FMNL2: variants seen among roughly 807,000 people sequenced by gnomAD.
FMNL2 encodes formin-like protein 2.
In FMNL2, 51 loss-of-function variants were observed where a neutral mutation model predicts 130.2. The observed-to-expected ratio is 0.39, with a 90% CI of 0.31 to 0.49. The LOEUF is 0.49. Among genes scored for constraint, FMNL2 ranks in the 20% least tolerant of loss-of-function variants. FMNL2 has a pLI of 0.85. For missense variants in FMNL2, 977 were observed against 1,316.2 expected (o/e 0.74, Z 3.99); for synonymous variants, 465 against 467.1 (o/e 1.00, Z 0.06).
At chr2:152,573,429 A>G (rs1418528564) in intron 6 of FMNL2, among the ~76,000 whole-genome samples, 1 of 152,132 alleles carries the variant, frequency 6.6e-6, no homozygotes, top group African/African-American at 2.4e-5. Context: ...ATGATGAGCA[A>G]CTCGTGGAAA....
At chr2:152,398,844 A>T (rs1388585442) in intron 1 of FMNL2, among the ~76,000 whole-genome samples, 5 of 152,246 alleles carry the variant, frequency 3.3e-5, no homozygotes, top group African/African-American at 1.2e-4. Flanking sequence ...ACTTATTTTT[A>T]AAAAGGGTGA....
intron 1 of FMNL2, among the ~76,000 whole-genome samples, chr2:152,393,498 A>G (rs973084183): frequency 2.0e-5 from 3 of 152,240 alleles, no homozygotes; most frequent in African/African-American, 4.8e-5. Flanking sequence ...AGGGTAAAAC[A>G]TATTTAGAGT....
At chr2:152,525,465 T>C (rs943974862) in intron 2 of FMNL2, among the ~76,000 whole-genome samples, 1 of 152,170 alleles carries the variant, frequency 6.6e-6, no homozygotes, top group Admixed American at 6.5e-5. Flanking sequence ...TGTTTGCTGT[T>C]GCTGAGGGTG....
chr2:152,484,176 T>C, intron 1 of FMNL2, among the ~76,000 whole-genome samples: 1 of 152,220 alleles, frequency 6.6e-6, no homozygotes, highest in East Asian at 1.9e-4. Flanking sequence ...ACAGAGTCAC[T>C]GGTGTGCAAT....
chr2:152,450,940 G>T (rs563999541), intron 1 of FMNL2, among the ~76,000 whole-genome samples: 1 of 152,192 alleles, frequency 6.6e-6, no homozygotes, highest in East Asian at 1.9e-4. Context: ...GTGGCAGGTC[G>T]CTGGGTCTCC....
intron 6 of FMNL2, among the ~76,000 whole-genome samples, chr2:152,570,089 A>G (rs879319930): frequency 3.3e-5 from 5 of 152,188 alleles, no homozygotes; most frequent in Non-Finnish European, 5.9e-5. Flanking sequence ...GCATTGAGTT[A>G]TAACTTTTTC....
Position 152,614,922 on chromosome 2 carries a change from A to G in FMNL2, c.1134A>G (p.Val378=), listed in dbSNP as rs753076080. ...CTTACCTGGACAATGTTTTTGATGTAGGAGCTCTACTGGAAGATGCTGAAA... is the reference window on the plus strand; with the variant it reads ...CTTACCTGGACAATGTTTTTGATGTGGGAGCTCTACTGGAAGATGCTGAAA... ...IQAYLDNVFD[V]GALLEDAETK... is the part of the protein sequence containing the mutation. Residue 378 remains valine, a synonymous_variant, in exon 12 of 26, where the codon GTA becomes GTG. Coordinates refer to ENST00000288670, the MANE Select transcript of FMNL2 (RefSeq NM_052905.4). The G allele has an allele frequency of 1.9e-6, 3 of 1,613,742 alleles. No homozygotes were observed. The East Asian group carries it at 6.7e-5, about 36-fold the overall frequency.
At chr2:152,582,417 T>G (rs2105732050) in intron 9 of FMNL2, among the ~76,000 whole-genome samples, 1 of 152,340 alleles carries the variant, frequency 6.6e-6, no homozygotes, top group African/African-American at 2.4e-5. Context: ...CATTGCCTCC[T>G]TACTGCTAGT....
At chr2:152,643,649 T>C (rs547096969) in intron 25 of FMNL2, 3 of 1,467,762 alleles carry the variant, frequency 2.0e-6, no homozygotes, top group Non-Finnish European at 2.7e-6. Flanking sequence ...ATATTTTGTG[T>C]TGTTCTCATG....
intron 9 of FMNL2, among the ~76,000 whole-genome samples, chr2:152,595,465 C>T (rs1697712381): frequency 6.6e-6 from 1 of 152,130 alleles, no homozygotes; most frequent in South Asian, 2.1e-4. Context: ...GGACTACAGA[C>T]ACGCCACCAC....
intron 1 of FMNL2, among the ~76,000 whole-genome samples, chr2:152,384,759 A>G (rs1684690127): frequency 6.6e-6 from 1 of 152,184 alleles, no homozygotes; most frequent in South Asian, 2.1e-4. Context: ...GGGGGCCATT[A>G]TATTTTCAGC....
intron 1 of FMNL2, among the ~76,000 whole-genome samples, chr2:152,387,084 A>G (rs1196353102): frequency 1.3e-5 from 2 of 152,176 alleles, no homozygotes; most frequent in African/African-American, 4.8e-5. Flanking sequence ...TTGGGATTAA[A>G]CCATTCCTGG....
At chr2:152,514,134 T>C (rs1280970126) in intron 1 of FMNL2, among the ~76,000 whole-genome samples, 1 of 152,260 alleles carries the variant, frequency 6.6e-6, no homozygotes, top group East Asian at 1.9e-4. Context: ...TCAGGAGAAT[T>C]GGTACATTAC....
At chr2:152,531,218 A>G (rs762753834) in intron 2 of FMNL2, among the ~76,000 whole-genome samples, 49 of 152,334 alleles carry the variant, frequency 3.2e-4, no homozygotes, top group East Asian at 1.9e-4. Context: ...GAGCACATCT[A>G]ACAGGTTAGG....
chr2:152,522,064 A>G, intron 2 of FMNL2, 38 bp downstream of exon 2: 3 of 1,506,840 alleles, frequency 2.0e-6, no homozygotes, highest in Non-Finnish European at 2.7e-6. Context: ...GAAAAAAGTA[A>G]TGAAAGAAGA....
chr2:152,504,421 A>G (rs2105335632), intron 1 of FMNL2, among the ~76,000 whole-genome samples: 1 of 151,294 alleles, frequency 6.6e-6, no homozygotes, highest in East Asian at 2.0e-4. Context: ...TAATTTTTTT[A>G]TTTTTCGTAG....
chr2:152,442,974 G>A (rs11684450), intron 1 of FMNL2, among the ~76,000 whole-genome samples: 62,594 of 152,046 alleles, frequency 0.41, 15,420 homozygotes, highest in Non-Finnish European at 0.57. Flanking sequence ...GGGATCGCTC[G>A]GGCCGCAGCA....
Position 152,536,069 on chromosome 2 carries a change from G to A in FMNL2, c.202-6670G>A, listed in dbSNP as rs533449489. ...TTATTTGTATAAATGGTTAGCCCTGGGAGGGCAAGGTGTTAGGGCTTACCT... is the reference window on the plus strand; with the variant it reads ...TTATTTGTATAAATGGTTAGCCCTGAGAGGGCAAGGTGTTAGGGCTTACCT... On this transcript the variant is annotated intron_variant, in intron 2 of 25. Transcript: ENST00000288670. Among the ~76,000 whole-genome samples, 23 of 152,274 alleles carry A rather than the reference G, an allele frequency of 1.5e-4. No homozygotes were observed. In the South Asian group the frequency reaches 4.4e-3, roughly 29 times the overall value.
chr2:152,587,850 A>G (rs148036756), intron 9 of FMNL2, among the ~76,000 whole-genome samples: 11 of 152,208 alleles, frequency 7.2e-5, no homozygotes, highest in African/African-American at 2.6e-4. Flanking sequence ...CCTTTAAAAG[A>G]GAGCCTCCCA....
Sources: allele counts gnomAD v4.1 joint callset (sites outside exome capture counted in the v4.1 genomes callset), GRCh38; gene constraint gnomAD v4.1.1; transcripts MANE v1.5; gene names NCBI Gene and HGNC (gene_info 2026-07-23, HGNC 2026-07-21).